The following MYO1E variants were observed in gnomAD, a reference collection of about 807,000 sequenced individuals.
The protein encoded by MYO1E is unconventional myosin-Ie.
Under a neutral mutation model 151.1 loss-of-function variants are expected in MYO1E, and 68 were observed. That is an observed-to-expected ratio of 0.45 (90% confidence interval 0.37 to 0.55). The LOEUF (loss-of-function observed/expected upper bound fraction) is 0.55, where lower values mean the gene tolerates loss of function less well. MYO1E is among the 20% of genes least tolerant of loss of function. The pLI is 0.00. For missense variants in MYO1E, 1,363 were observed against 1,389.3 expected (o/e 0.98, Z 0.30); for synonymous variants, 601 against 501.7 (o/e 1.20, Z -2.64).
intron 1 of MYO1E, among the ~76,000 whole-genome samples, chr15:59,297,606 G>T (rs62002725): frequency 6.6e-6 from 1 of 151,638 alleles, no homozygotes; most frequent in Non-Finnish European, 1.5e-5. Context: ...TTTGAGACAG[G>T]GTCGTGCTCT....
chr15:59,179,092 C>G (rs941062305), intron 18 of MYO1E, among the ~76,000 whole-genome samples: 9 of 152,134 alleles, frequency 5.9e-5, no homozygotes, highest in African/African-American at 1.7e-4. Flanking sequence ...TGCATTTCTT[C>G]GAGAATGGCC....
At chr15:59,307,157 T>C (rs559404750) in intron 1 of MYO1E, among the ~76,000 whole-genome samples, 7 of 152,288 alleles carry the variant, frequency 4.6e-5, no homozygotes, top group African/African-American at 1.7e-4. Context: ...ACTGAAAATG[T>C]AGGCTATTGC....
At position 59,224,718 on chromosome 15, in the gene MYO1E, C is replaced by A. The variant is rs772263070; in HGVS notation, c.748G>T (p.Asp250Tyr). 6.2e-7 allele frequency: 1 copy of A among 1,614,216 alleles called. No homozygotes were observed. Among genetic ancestry groups the A allele is most frequent in the Non-Finnish European group, 8.5e-7 (1 of 1,180,048 alleles). Reference sequence around the variant, plus strand: ...GTTTCCTGAAACTCCCGCCTGTCGTCAATGTCATCAACCTTGTATGAGCCC... The same window carrying A: ...GTTTCCTGAAACTCCCGCCTGTCGTAAATGTCATCAACCTTGTATGAGCCC... ...LSGSYKVDDIDDRREFQETLH... is the reference protein window; with the variant it reads ...LSGSYKVDDIYDRREFQETLH... The change falls in exon 8 of 28, where the codon GAC becomes TAC. Residue 250 changes from aspartate to tyrosine, a missense_variant. Transcript: ENST00000288235.
At chr15:59,171,845 G>T in intron 22 of MYO1E, 52 bp downstream of exon 22, 1 of 1,612,360 alleles carries the variant, frequency 6.2e-7, no homozygotes. Flanking sequence ...ACAGCGGACC[G>T]TGATGCTGAG....
chr15:59,316,056 G>A (rs1359164227), intron 1 of MYO1E, among the ~76,000 whole-genome samples: 1 of 152,194 alleles, frequency 6.6e-6, no homozygotes, highest in Non-Finnish European at 1.5e-5. Context: ...GAAGGAGCCT[G>A]AGCAGCAGGA....
chr15:59,213,926 G>A (rs576915596), intron 12 of MYO1E, among the ~76,000 whole-genome samples: 32 of 152,300 alleles, frequency 2.1e-4, no homozygotes, highest in African/African-American at 6.3e-4. Flanking sequence ...ACAGACAGTC[G>A]GGGCTGGAAC....
intron 26 of MYO1E, among the ~76,000 whole-genome samples, chr15:59,140,033 G>T (rs569820904): frequency 6.6e-6 from 1 of 151,840 alleles, no homozygotes; most frequent in Non-Finnish European, 1.5e-5. Flanking sequence ...CTCAACATCT[G>T]CACTACTGAC....
intron 1 of MYO1E, among the ~76,000 whole-genome samples, chr15:59,316,926 T>G (rs1349094184): frequency 6.6e-6 from 1 of 152,182 alleles, no homozygotes; most frequent in Non-Finnish European, 1.5e-5. Context: ...GTAAATAACT[T>G]CCCATGGTCT....
intron 22 of MYO1E, among the ~76,000 whole-genome samples, chr15:59,165,363 T>A (rs1481796616): frequency 1.3e-5 from 2 of 152,172 alleles, no homozygotes; most frequent in Admixed American, 1.3e-4. Flanking sequence ...GCCAAAGAGT[T>A]TCCCTTGGAC....
At chr15:59,259,160 G>A (rs1566994550) in intron 3 of MYO1E, among the ~76,000 whole-genome samples, 4 of 152,250 alleles carry the variant, frequency 2.6e-5, no homozygotes, top group Admixed American at 1.3e-4. Flanking sequence ...AGGCACTGAT[G>A]TCACTCTGTC....
At chr15:59,162,161 G>C (rs796873577) in intron 23 of MYO1E, among the ~76,000 whole-genome samples, 1 of 152,014 alleles carries the variant, frequency 6.6e-6, no homozygotes, top group Non-Finnish European at 1.5e-5. Context: ...TCAGCCTCCC[G>C]AGTAGCTGGG....
At chr15:59,233,567 G>C (rs2080041539) in intron 5 of MYO1E, among the ~76,000 whole-genome samples, 1 of 149,218 alleles carries the variant, frequency 6.7e-6, no homozygotes, top group Admixed American at 7.0e-5. Context: ...GGGAGGCTGA[G>C]GCAGGAGAAT....
chr15:59,347,449 A>C (rs1262203262), intron 1 of MYO1E, among the ~76,000 whole-genome samples: 3 of 152,164 alleles, frequency 2.0e-5, no homozygotes, highest in African/African-American at 7.2e-5. Flanking sequence ...CAAAGTTCCA[A>C]AGAGATTTTC....
chr15:59,349,654 A>G (rs1178768007), intron 1 of MYO1E, among the ~76,000 whole-genome samples: 2 of 152,218 alleles, frequency 1.3e-5, no homozygotes, highest in African/African-American at 4.8e-5. Flanking sequence ...TGATGATGAT[A>G]TAACTTTCTG....
Position 59,218,093 on chromosome 15 carries a change from G to A in MYO1E, c.911-6C>T. ...ATATGCAGGAAAAGCTAAAACTGTA[G>A]AACATAAAACAAAACATGACAATCT... On this transcript the variant is annotated splice_polypyrimidine_tract_variant and splice_region_variant and intron_variant, in intron 9 of 27. Transcript: ENST00000288235. 6.2e-7 allele frequency: 1 copy of A among 1,614,024 alleles called. No individual in the cohort carries two copies. The highest frequency in any genetic ancestry group is 8.5e-7 in the Non-Finnish European group (1 of 1,179,912).
intron 14 of MYO1E, chr15:59,207,760 G>C: frequency 6.2e-7 from 1 of 1,614,170 alleles, no homozygotes; most frequent in Non-Finnish European, 8.5e-7. Context: ...TAAAGATCCT[G>C]AGCAATGGAA....
In MYO1E at chr15:59,133,362, G is replaced by T. The variant is rs2079355100; in HGVS notation, c.*4018C>A. 6.6e-6 allele frequency: 1 copy of T among 152,064 alleles called. No individual in the cohort carries two copies. The highest frequency in any genetic ancestry group is 2.1e-4 in the South Asian group (1 of 4,826). 9.4% of individuals were successfully genotyped at this position (152,064 alleles called of 1,614,324 possible). A position where few individuals can be genotyped will look rare whatever the true frequency, so the allele number is the denominator to read the frequency against. ...TCTCTAGTCTGGGTGACAAAGTGAG[G>T]TGCTGTCTGAAAATAAAAACGCACA... On this transcript the variant is annotated 3_prime_UTR_variant, in exon 28 of 28. Coordinates refer to ENST00000288235, the MANE Select transcript of MYO1E (RefSeq NM_004998.4).
At position 59,248,127 on chromosome 15, in the gene MYO1E, C is replaced by CAAAAA. The variant is rs138467126; in HGVS notation, c.332+8152_332+8156dup. ...TGGGTGACAGAATGAGACTCCGTCT[C>CAAAAA]AAAAAAAAAAAAAAAAAAAAAAAAA... is the stretch of plus-strand genomic sequence containing the variant. On this transcript the variant is annotated intron_variant, in intron 4 of 27. Transcript: ENST00000288235. 1.3e-3 allele frequency among the ~76,000 whole-genome samples: 45 copies of CAAAAA among 35,912 alleles called. 5 individuals are homozygous for CAAAAA. In the East Asian group the frequency reaches 0.025, roughly 20 times the overall value. 23.6% of individuals were successfully genotyped at this position (35,912 alleles called of 152,430 possible). A position where few individuals can be genotyped will look rare whatever the true frequency, so the allele number is the denominator to read the frequency against.
rs556834842 is a variant in MYO1E, at chr15:59,251,944, A to C, written c.332+4340T>G. Among the ~76,000 whole-genome samples, 265 of 152,356 alleles carry C rather than the reference A, an allele frequency of 1.7e-3. 2 individuals are homozygous for C. The highest frequency in any genetic ancestry group is 6.0e-3 in the African/African-American group (250 of 41,576). Reference sequence around the variant, plus strand: ...AAAGAAATTTTAAAATGAATTCAGTATTGCTACTAATAATATTGGTATTGT... The same window carrying C: ...AAAGAAATTTTAAAATGAATTCAGTCTTGCTACTAATAATATTGGTATTGT... On this transcript the variant is annotated intron_variant, in intron 4 of 27. Coordinates refer to ENST00000288235, the MANE Select transcript of MYO1E (RefSeq NM_004998.4).
Sources: allele counts gnomAD v4.1 joint callset (sites outside exome capture counted in the v4.1 genomes callset), GRCh38; gene constraint gnomAD v4.1.1; transcripts MANE v1.5; gene names NCBI Gene and HGNC (gene_info 2026-07-23, HGNC 2026-07-21).